Variants in ADAMTSL1 observed in about 807,000 individuals in gnomAD.
The protein encoded by ADAMTSL1 is ADAMTS like 1.
In ADAMTSL1, 126 loss-of-function variants were observed where a neutral mutation model predicts 201.8. The observed-to-expected ratio is 0.62, with a 90% CI of 0.54 to 0.72. The LOEUF (loss-of-function observed/expected upper bound fraction) is 0.72, where lower values mean the gene tolerates loss of function less well. Ranked by LOEUF, ADAMTSL1 falls within the 30% of genes least tolerant of loss-of-function variation. ADAMTSL1 has a pLI of 0.00. For missense variants in ADAMTSL1, 2,679 were observed against 2,277.8 expected (o/e 1.18, Z -3.59); for synonymous variants, 1,121 against 903.4 (o/e 1.24, Z -4.32).
intron 16 of ADAMTSL1, among the ~76,000 whole-genome samples, chr9:18,762,035 C>T (rs1306330037): frequency 6.6e-6 from 1 of 152,232 alleles, no homozygotes; most frequent in Non-Finnish European, 1.5e-5. Flanking sequence ...GCCTGTTTTA[C>T]ATCTTTTTAA....
chr9:17,947,186 C>T (rs1827524728), intron 1 of ADAMTSL1, among the ~76,000 whole-genome samples: 2 of 150,748 alleles, frequency 1.3e-5, no homozygotes, highest in East Asian at 1.9e-4. Flanking sequence ...ATATAGTATA[C>T]ACTTACATAT....
intron 1 of ADAMTSL1, among the ~76,000 whole-genome samples, chr9:18,059,438 G>C (rs1016063962): frequency 6.6e-6 from 1 of 152,118 alleles, no homozygotes; most frequent in African/African-American, 2.4e-5. Context: ...TCTTAATGTG[G>C]TGGGGAAAAT....
intron 4 of ADAMTSL1, among the ~76,000 whole-genome samples, chr9:18,589,267 A>G (rs1039210861): frequency 7.2e-5 from 11 of 152,062 alleles, no homozygotes; most frequent in African/African-American, 2.4e-4. Context: ...TCAATGTTTT[A>G]GTTTTACTTA....
At chr9:18,843,768 A>G (rs1166391619) in intron 23 of ADAMTSL1, among the ~76,000 whole-genome samples, 1 of 150,480 alleles carries the variant, frequency 6.6e-6, no homozygotes, top group Non-Finnish European at 1.5e-5. Context: ...TTCCCTTCTC[A>G]CTTCATTTCA....
intron 23 of ADAMTSL1, among the ~76,000 whole-genome samples, chr9:18,851,525 T>A (rs1310319873): frequency 6.6e-6 from 1 of 152,152 alleles, no homozygotes. Context: ...TGAAAGTTTC[T>A]TAAAAATTTT....
intron 8 of ADAMTSL1, among the ~76,000 whole-genome samples, chr9:18,658,053 C>T (rs992090238): frequency 4.0e-5 from 6 of 149,350 alleles, no homozygotes; most frequent in Non-Finnish European, 7.4e-5. Flanking sequence ...CGGCTCGCTG[C>T]AAGCTCCGCC....
At chr9:18,866,375 G>A (rs1056830310) in intron 23 of ADAMTSL1, among the ~76,000 whole-genome samples, 3 of 152,126 alleles carry the variant, frequency 2.0e-5, no homozygotes, top group Non-Finnish European at 2.9e-5. Flanking sequence ...TGTACTACAT[G>A]TGCTGAGAAT....
At chr9:18,631,066 T>C (rs1826736568) in intron 5 of ADAMTSL1, among the ~76,000 whole-genome samples, 2 of 152,222 alleles carry the variant, frequency 1.3e-5, no homozygotes, top group African/African-American at 4.8e-5. Context: ...AGAGGGAATA[T>C]AAGATACTAC....
At chr9:18,362,722 C>G (rs961031034) in intron 2 of ADAMTSL1, among the ~76,000 whole-genome samples, 1 of 152,202 alleles carries the variant, frequency 6.6e-6, no homozygotes, top group Non-Finnish European at 1.5e-5. Flanking sequence ...AGATTTCCTT[C>G]TCTGAATGAG....
At chr9:18,379,012 G>A (rs1367260330) in intron 2 of ADAMTSL1, among the ~76,000 whole-genome samples, 1 of 152,186 alleles carries the variant, frequency 6.6e-6, no homozygotes, top group Non-Finnish European at 1.5e-5. Context: ...TAGAATATCA[G>A]ATACTCACGA....
chr9:18,651,742 G>C (rs1200574773), intron 7 of ADAMTSL1, among the ~76,000 whole-genome samples: 1 of 152,098 alleles, frequency 6.6e-6, no homozygotes, highest in African/African-American at 2.4e-5. Flanking sequence ...ATCAGTTAGA[G>C]TATTAGGCAA....
chr9:18,205,402 T>C (rs1052814590), intron 2 of ADAMTSL1, among the ~76,000 whole-genome samples: 1 of 152,158 alleles, frequency 6.6e-6, no homozygotes, highest in African/African-American at 2.4e-5. Context: ...GACAAACTTA[T>C]CTTTTATGGT....
intron 23 of ADAMTSL1, among the ~76,000 whole-genome samples, chr9:18,842,510 C>T (rs377431328): frequency 1.4e-4 from 21 of 152,200 alleles, no homozygotes; most frequent in Non-Finnish European, 2.5e-4. Context: ...AAAATGTATA[C>T]TCTGTTGATT....
At chr9:18,487,865 A>G (rs1251144110) in intron 1 of ADAMTSL1, among the ~76,000 whole-genome samples, 1 of 152,240 alleles carries the variant, frequency 6.6e-6, no homozygotes, top group Non-Finnish European at 1.5e-5. Flanking sequence ...AGTTCATTGC[A>G]GTTCACAGCT....
chr9:18,006,773 G>A (rs1477584778), intron 1 of ADAMTSL1, among the ~76,000 whole-genome samples: 5 of 151,932 alleles, frequency 3.3e-5, no homozygotes, highest in African/African-American at 1.2e-4. Flanking sequence ...TGTTTTCTTA[G>A]CTGCATACTT....
intron 2 of ADAMTSL1, among the ~76,000 whole-genome samples, chr9:18,452,101 TG>T (rs757730584): frequency 6.6e-5 from 10 of 152,074 alleles, no homozygotes; most frequent in Non-Finnish European, 1.3e-4. Context: ...TTAGTAGAGA[TG>T]GGGTTTCTCC....
At chr9:17,957,992 T>C (rs1827996048) in intron 1 of ADAMTSL1, among the ~76,000 whole-genome samples, 5 of 152,200 alleles carry the variant, frequency 3.3e-5, no homozygotes. Flanking sequence ...TCCCAGTTTG[T>C]GGTAATTGTG....
chr9:18,074,482 TTTTCTTTTC>T (rs1823108686), intron 1 of ADAMTSL1, among the ~76,000 whole-genome samples: 1 of 58,842 alleles, frequency 1.7e-5, no homozygotes, highest in East Asian at 4.0e-4. Context: ...TTTTCTTTTC[TTTTCTTTTC>T]TTTTCTTTTC....
At chr9:18,380,033 G>T (rs1472275029) in intron 2 of ADAMTSL1, among the ~76,000 whole-genome samples, 3 of 152,138 alleles carry the variant, frequency 2.0e-5, no homozygotes, top group Admixed American at 6.5e-5. Context: ...TTGACTATTT[G>T]CCTACTTTCC....
Sources: gnomAD v4.1 joint callset for allele counts (sites outside exome capture counted in the v4.1 genomes callset) on GRCh38, gnomAD v4.1.1 for gene constraint, MANE v1.5 for transcripts, NCBI Gene and HGNC (gene_info 2026-07-23, HGNC 2026-07-21) for gene names.